The following ADGRL3 variants were observed in gnomAD, a reference collection of about 807,000 sequenced individuals.
ADGRL3 encodes the protein adhesion G protein-coupled receptor L3, also known as calcium-independent alpha-latrotoxin receptor 3.
Under a neutral mutation model 153.5 loss-of-function variants are expected in ADGRL3, and 62 were observed. The ratio of observed to expected loss-of-function variants is 0.40; its 90% CI spans 0.33 to 0.50. The LOEUF (loss-of-function observed/expected upper bound fraction) is 0.50. Ranked by LOEUF, ADGRL3 falls within the 20% of genes least tolerant of loss-of-function variation. The probability of loss-of-function intolerance (pLI) is 0.47; values close to 1 mark genes in which losing one functional copy is unlikely to be tolerated. For missense variants in ADGRL3, 1,641 were observed against 1,859.4 expected, an observed-to-expected ratio of 0.88 and a Z score of 2.16; for synonymous variants, 710 against 672.5, an observed-to-expected ratio of 1.06 and a Z score of -0.86.
intron 20 of ADGRL3, among the ~76,000 whole-genome samples, chr4:61,996,891 C>T (rs2099123547): frequency 6.6e-6 from 1 of 152,010 alleles, no homozygotes; most frequent in African/African-American, 2.4e-5. Context: ...TTTTTAGATC[C>T]ATAATATTCT....
intron 15 of ADGRL3, among the ~76,000 whole-genome samples, chr4:61,939,691 A>C (rs2098869090): frequency 6.6e-6 from 1 of 151,992 alleles, no homozygotes; most frequent in African/African-American, 2.4e-5. Context: ...GCTGGTCTTG[A>C]ATTCCTGACT....
intron 1 of ADGRL3, among the ~76,000 whole-genome samples, chr4:61,377,465 C>T (rs563337399): frequency 4.6e-5 from 7 of 151,872 alleles, no homozygotes; most frequent in South Asian, 4.2e-4. Flanking sequence ...ATTTTTATGT[C>T]CTTTATGGAT....
At chr4:61,604,214 G>A (rs201168972) in intron 5 of ADGRL3, among the ~76,000 whole-genome samples, 72 of 152,174 alleles carry the variant, frequency 4.7e-4, no homozygotes, top group Non-Finnish European at 8.4e-4. Context: ...CTAGAACCAC[G>A]CAGCTGTGCT....
chr4:61,440,679 A>G (rs1193399882), intron 2 of ADGRL3, among the ~76,000 whole-genome samples: 1 of 20,850 alleles, frequency 4.8e-5, no homozygotes, highest in Non-Finnish European at 5.4e-4. Context: ...AATGCACATG[A>G]TACATCACAG....
intron 13 of ADGRL3, among the ~76,000 whole-genome samples, chr4:61,923,822 A>G (rs2098781866): frequency 6.6e-6 from 1 of 152,090 alleles, no homozygotes; most frequent in Non-Finnish European, 1.5e-5. Context: ...TCACTCCTCT[A>G]TCACTAAGCT....
chr4:61,770,878 C>T (rs1485225117), intron 8 of ADGRL3, among the ~76,000 whole-genome samples: 4 of 152,152 alleles, frequency 2.6e-5, no homozygotes, highest in African/African-American at 9.7e-5. Context: ...CAAAGCCTTT[C>T]TAATGTTCTT....
intron 16 of ADGRL3, 28 bp downstream of exon 16, chr4:61,947,150 G>T: frequency 6.5e-7 from 1 of 1,542,892 alleles, no homozygotes; most frequent in Non-Finnish European, 9.0e-7. Context: ...TAGCTTGGTT[G>T]TTCATATTAT....
At chr4:61,677,431 G>A in intron 6 of ADGRL3, 1 of 402,790 alleles carries the variant, frequency 2.5e-6, no homozygotes, top group African/African-American at 2.1e-5. Flanking sequence ...AGAACTTGAA[G>A]TACTCTTCAG....
At chr4:61,714,755 C>A (rs569199561) in intron 6 of ADGRL3, among the ~76,000 whole-genome samples, 2 of 152,108 alleles carry the variant, frequency 1.3e-5, no homozygotes, top group South Asian at 4.2e-4. Flanking sequence ...GTTCTTCTTG[C>A]CAATAGCAAC....
At chr4:61,419,352 T>A (rs1193893563) in intron 2 of ADGRL3, among the ~76,000 whole-genome samples, 1 of 150,748 alleles carries the variant, frequency 6.6e-6, no homozygotes, top group Non-Finnish European at 1.5e-5. Flanking sequence ...GAAAGAATAA[T>A]GAAAACAAGT....
intron 9 of ADGRL3, among the ~76,000 whole-genome samples, chr4:61,868,029 A>T (rs2098413710): frequency 6.6e-6 from 1 of 152,128 alleles, no homozygotes; most frequent in African/African-American, 2.4e-5. Context: ...TTTTAATATT[A>T]GTTATAGAAA....
At chr4:61,706,523 GATAACTT>G (rs1214882822) in intron 6 of ADGRL3, among the ~76,000 whole-genome samples, 3 of 151,832 alleles carry the variant, frequency 2.0e-5, no homozygotes, top group Non-Finnish European at 4.4e-5. Context: ...CTGTCTTCTG[GATAACTT>G]ACTGTAGCTT....
At position 61,279,161 on chromosome 4, in the gene ADGRL3, G is replaced by A. The variant is rs145058255; in HGVS notation, c.-240+77396G>A. ...GGAAGTTGTAATATTTCAGCTTAGG[G>A]GCAGATACTTTAAAAATATGGATCT... is the stretch of plus-strand genomic sequence containing the variant. On this transcript the variant is annotated intron_variant, in intron 1 of 26. Coordinates refer to ENST00000683033, the MANE Select transcript of ADGRL3 (RefSeq NM_001387552.1). 1.4e-3 allele frequency among the ~76,000 whole-genome samples: 219 copies of A among 152,226 alleles called. 2 individuals are homozygous for A. Among genetic ancestry groups the A allele is most frequent in the African/African-American group, 4.8e-3 (201 of 41,556 alleles).
intron 4 of ADGRL3, among the ~76,000 whole-genome samples, chr4:61,564,601 A>T (rs1020794788): frequency 1.3e-5 from 2 of 152,184 alleles, no homozygotes; most frequent in African/African-American, 4.8e-5. Context: ...TTCATATGTG[A>T]CTGGAATATC....
chr4:61,819,044 A>G (rs1237049386), intron 9 of ADGRL3, among the ~76,000 whole-genome samples: 1 of 152,158 alleles, frequency 6.6e-6, no homozygotes, highest in Non-Finnish European at 1.5e-5. Flanking sequence ...GAACTATAAA[A>G]TATTTCCTTT....
At chr4:61,539,126 T>G (rs1005773189) in intron 4 of ADGRL3, among the ~76,000 whole-genome samples, 1 of 152,174 alleles carries the variant, frequency 6.6e-6, no homozygotes, top group Admixed American at 6.5e-5. Flanking sequence ...TTGCCCTGTG[T>G]CACCCCCTAC....
At chr4:61,809,018 T>G (rs1349850829) in intron 8 of ADGRL3, among the ~76,000 whole-genome samples, 1 of 152,056 alleles carries the variant, frequency 6.6e-6, no homozygotes, top group Non-Finnish European at 1.5e-5. Context: ...GGCATCCATT[T>G]TATTGTCTTT....
intron 1 of ADGRL3, among the ~76,000 whole-genome samples, chr4:61,311,333 C>A (rs756671887): frequency 6.6e-6 from 1 of 152,082 alleles, no homozygotes; most frequent in Non-Finnish European, 1.5e-5. Context: ...TTGCTGTGGA[C>A]GTATTAGAGA....
In ADGRL3 at chr4:61,328,080, A is replaced by T. The variant is rs114750285; in HGVS notation, c.-239-55044A>T. Among the ~76,000 whole-genome samples, 700 of 152,182 alleles carry T rather than the reference A, an allele frequency of 4.6e-3. 4 individuals carry two copies. The highest frequency in any genetic ancestry group is 0.016 in the African/African-American group (680 of 41,548). Reference sequence around the variant, plus strand: ...CTTTGGATTGGCAAAATTTGCATACATTTAGTAGTAGGAAGAGCTTTTAAT... The same window carrying T: ...CTTTGGATTGGCAAAATTTGCATACTTTTAGTAGTAGGAAGAGCTTTTAAT... On this transcript the variant is annotated intron_variant, in intron 1 of 26. Coordinates refer to ENST00000683033, the MANE Select transcript of ADGRL3 (RefSeq NM_001387552.1).
Sources: gnomAD v4.1 joint callset for allele counts (sites outside exome capture counted in the v4.1 genomes callset) on GRCh38, gnomAD v4.1.1 for gene constraint, MANE v1.5 for transcripts, NCBI Gene and HGNC (gene_info 2026-07-23, HGNC 2026-07-21) for gene names.